The following XRRA1 variants were observed in gnomAD, a reference collection of about 807,000 sequenced individuals.
XRRA1 encodes X-ray radiation resistance-associated protein 1.
Under a neutral mutation model 80.2 loss-of-function variants are expected in XRRA1, and 69 were observed. The observed-to-expected ratio is 0.86, with a 90% CI of 0.71 to 1.05. The LOEUF (loss-of-function observed/expected upper bound fraction) is 1.05. XRRA1 is among the 50% of genes least tolerant of loss of function. The pLI is 0.00. For synonymous variants in XRRA1, 348 were observed against 389.9 expected (o/e 0.89, Z 1.27); for missense variants, 967 against 976.4 (o/e 0.99, Z 0.13).
At position 74,937,001 on chromosome 11, in the gene XRRA1, T is replaced by C; in HGVS notation, c.162A>G (p.Ala54=). ...TCAGGCTTTCCCGACGTTCAGCTTG[T>C]GCTCCAACCAAACCCTTGGGCTTCT... The part of the protein sequence containing the change: ...LKKKPKGLVG[A]QAERRESLKA... The change falls in exon 4 of 19, where the codon GCA becomes GCG. Residue 54 remains alanine (A), a synonymous_variant. Transcript: ENST00000684022. The C allele has an allele frequency of 6.2e-7, 1 of 1,613,934 alleles. No homozygotes were observed. The highest frequency in any genetic ancestry group is 8.5e-7 in the Non-Finnish European group (1 of 1,179,896).
intron 12 of XRRA1, among the ~76,000 whole-genome samples, chr11:74,858,222 A>C (rs1452973372): frequency 6.6e-6 from 1 of 152,236 alleles, no homozygotes; most frequent in African/African-American, 2.4e-5. Flanking sequence ...GACATAAATT[A>C]CCAATTTCAA....
intron 8 of XRRA1, among the ~76,000 whole-genome samples, chr11:74,920,295 A>G (rs1273968489): frequency 6.6e-6 from 1 of 152,202 alleles, no homozygotes; most frequent in Non-Finnish European, 1.5e-5. Flanking sequence ...GAAACCCCTA[A>G]TAAATGATCA....
At chr11:74,934,230 A>C (rs1944389569) in intron 4 of XRRA1, among the ~76,000 whole-genome samples, 1 of 152,238 alleles carries the variant, frequency 6.6e-6, no homozygotes, top group Non-Finnish European at 1.5e-5. Flanking sequence ...TTACTAATCC[A>C]AATCTGTAAT....
intron 8 of XRRA1, among the ~76,000 whole-genome samples, chr11:74,909,076 C>T (rs1473019379): frequency 6.6e-6 from 1 of 152,140 alleles, no homozygotes; most frequent in African/African-American, 2.4e-5. Flanking sequence ...CAATCAATTC[C>T]CCCCTGCCTT....
chr11:74,911,000 A>G (rs1166928542), intron 8 of XRRA1, among the ~76,000 whole-genome samples: 1 of 152,128 alleles, frequency 6.6e-6, no homozygotes, highest in Non-Finnish European at 1.5e-5. Context: ...GCTTAATGGC[A>G]TGGGGATGTG....
At position 74,924,291 on chromosome 11, in the gene XRRA1, C is replaced by T. The variant is rs373883297; in HGVS notation, c.523-2944G>A. Reference sequence around the variant, plus strand: ...GAGATCGAGACCATCCTGGCTAACACGGTGAAACCCCGTCTCTACTAAAAA... The same window carrying T: ...GAGATCGAGACCATCCTGGCTAACATGGTGAAACCCCGTCTCTACTAAAAA... On this transcript the variant is annotated intron_variant, in intron 7 of 18. Coordinates refer to ENST00000684022, the MANE Select transcript of XRRA1 (RefSeq NM_001378157.1). 5.3e-4 allele frequency among the ~76,000 whole-genome samples: 79 copies of T among 149,910 alleles called. No homozygotes were observed. In the East Asian group the frequency reaches 7.2e-3, roughly 14 times the overall value.
At chr11:74,849,402 T>C (rs1368133729) in intron 14 of XRRA1, among the ~76,000 whole-genome samples, 1 of 152,178 alleles carries the variant, frequency 6.6e-6, no homozygotes, top group African/African-American at 2.4e-5. Context: ...TTATAAAATA[T>C]GTTACTTTAA....
At position 74,906,956 on chromosome 11, in the gene XRRA1, A is replaced by C. The variant is rs1411975414; in HGVS notation, c.785+189T>G. ...CAGTCATGTGATCAGAAATGTCCTC[A>C]CTCATGGCCATTTTTATGGAGGAGC... On this transcript the variant is annotated intron_variant, in intron 9 of 18. Coordinates refer to ENST00000684022, the MANE Select transcript of XRRA1 (RefSeq NM_001378157.1). 4.6e-6 allele frequency: 3 copies of C among 659,230 alleles called. No individual in the cohort carries two copies. The East Asian group carries it at 8.4e-5, about 18-fold the overall frequency. 40.8% of individuals were successfully genotyped at this position (659,230 alleles called of 1,614,324 possible).
chr11:74,855,992 C>G (rs955465355), intron 12 of XRRA1, among the ~76,000 whole-genome samples: 1 of 151,696 alleles, frequency 6.6e-6, no homozygotes, highest in Non-Finnish European at 1.5e-5. Context: ...ATTAGCCAGG[C>G]GTGGTAGCGG....
At chr11:74,890,770 A>G (rs1228364255) in intron 10 of XRRA1, among the ~76,000 whole-genome samples, 1 of 152,222 alleles carries the variant, frequency 6.6e-6, no homozygotes, top group Admixed American at 6.5e-5. Context: ...GAATACTATA[A>G]ACACCTCTAT....
At position 74,899,188 on chromosome 11, in the gene XRRA1, GAA is replaced by G. The variant is rs546764440; in HGVS notation, c.1003+7049_1003+7050del. On this transcript the variant is annotated intron_variant, in intron 10 of 18. Transcript: ENST00000684022. ...ATGGATCAATGAAGAAATTAAGATG[GAA>G]ATTTTAAAATTTTCTTGAAACAAAT... Among the ~76,000 whole-genome samples the G allele has an allele frequency of 3.2e-4, 48 of 152,120 alleles. No individual in the cohort carries two copies. The South Asian group carries it at 9.8e-3, about 31-fold the overall frequency.
At chr11:74,875,609 T>G (rs867399374) in intron 10 of XRRA1, among the ~76,000 whole-genome samples, 1 of 152,204 alleles carries the variant, frequency 6.6e-6, no homozygotes, top group Middle Eastern at 3.2e-3. Context: ...CTGGGCACGG[T>G]GGCTCACACC....
At chr11:74,883,402 C>A (rs1251361343) in intron 10 of XRRA1, among the ~76,000 whole-genome samples, 1 of 152,160 alleles carries the variant, frequency 6.6e-6, no homozygotes, top group Non-Finnish European at 1.5e-5. Flanking sequence ...CTGACCTGCG[C>A]CCACTGTCTG....
At chr11:74,883,055 G>A (rs1448559517) in intron 10 of XRRA1, among the ~76,000 whole-genome samples, 5 of 152,212 alleles carry the variant, frequency 3.3e-5, no homozygotes, top group Non-Finnish European at 7.3e-5. Flanking sequence ...CGAGCTTCCC[G>A]GCTGCTTTGT....
intron 10 of XRRA1, among the ~76,000 whole-genome samples, chr11:74,901,858 C>T (rs1170283400): frequency 6.6e-6 from 1 of 152,112 alleles, no homozygotes; most frequent in African/African-American, 2.4e-5. Flanking sequence ...CTGGTCTGGG[C>T]AAAATTTTCT....
intron 10 of XRRA1, among the ~76,000 whole-genome samples, chr11:74,873,181 C>T (rs2045269891): frequency 6.6e-6 from 1 of 152,124 alleles, no homozygotes; most frequent in South Asian, 2.1e-4. Flanking sequence ...GACAATATCC[C>T]CTAAAGCCAA....
intron 8 of XRRA1, among the ~76,000 whole-genome samples, chr11:74,910,461 T>C (rs2055625025): frequency 1.3e-5 from 2 of 152,068 alleles, no homozygotes; most frequent in Non-Finnish European, 2.9e-5. Flanking sequence ...GTAGTCTACG[T>C]ATAGAATGGG....
At chr11:74,927,553 A>G (rs1009142769) in intron 6 of XRRA1, 65 bp from the exon 7 acceptor site, 1 of 1,124,214 alleles carries the variant, frequency 8.9e-7, no homozygotes, top group African/African-American at 1.5e-5. Flanking sequence ...GATATTAATA[A>G]TTACCATTTA....
chr11:74,931,129 T>C (rs947974260), intron 5 of XRRA1, among the ~76,000 whole-genome samples: 1 of 85,904 alleles, frequency 1.2e-5, no homozygotes, highest in South Asian at 3.0e-4. Flanking sequence ...TTTATGCTTA[T>C]ACGTGTGTGT....
Sources: allele counts gnomAD v4.1 joint callset (sites outside exome capture counted in the v4.1 genomes callset), GRCh38; gene constraint gnomAD v4.1.1; transcripts MANE v1.5; gene names NCBI Gene and HGNC (gene_info 2026-07-23, HGNC 2026-07-21).